The following ATRNL1 variants were observed in gnomAD, a reference collection of about 807,000 sequenced individuals.
The protein encoded by ATRNL1 is attractin like 1.
Under a neutral mutation model 182.7 loss-of-function variants are expected in ATRNL1, and 95 were observed. That is an observed-to-expected ratio of 0.52 (90% CI 0.44 to 0.62). The LOEUF is 0.62. ATRNL1 is among the 20% of genes least tolerant of loss of function. The probability of loss-of-function intolerance (pLI) is 0.00; values close to 1 mark genes in which losing one functional copy is unlikely to be tolerated. For synonymous variants in ATRNL1, 576 were observed against 568.3 expected, an observed-to-expected ratio of 1.01 and a Z score of -0.19; for missense variants, 1,471 against 1,679.5, an observed-to-expected ratio of 0.88 and a Z score of 2.17.
intron 24 of ATRNL1, among the ~76,000 whole-genome samples, chr10:115,477,494 G>T (rs1320349267): frequency 6.6e-6 from 1 of 151,506 alleles, no homozygotes; most frequent in Non-Finnish European, 1.5e-5. Context: ...TTAAGTGAAT[G>T]AGTCCAACTG....
At chr10:115,149,937 T>G (rs1224396075) in intron 5 of ATRNL1, among the ~76,000 whole-genome samples, 3 of 151,810 alleles carry the variant, frequency 2.0e-5, no homozygotes, top group African/African-American at 7.2e-5. Context: ...CTTTGAAAGT[T>G]TGGTGGACTT....
intron 26 of ATRNL1, among the ~76,000 whole-genome samples, chr10:115,691,094 C>T (rs1319977642): frequency 6.6e-6 from 1 of 152,116 alleles, no homozygotes; most frequent in African/African-American, 2.4e-5. Flanking sequence ...GTATGATTAT[C>T]TATTCATAAT....
At chr10:115,540,772 AG>A (rs35103558) in intron 25 of ATRNL1, among the ~76,000 whole-genome samples, 3,078 of 30,542 alleles carry the variant, frequency 0.1, 72 homozygotes, top group African/African-American at 0.2. Context: ...AAAAAAAAAA[AG>A]GGGGGAGGGA....
At chr10:115,323,168 A>G (rs1050810827) in intron 18 of ATRNL1, among the ~76,000 whole-genome samples, 83 of 151,962 alleles carry the variant, frequency 5.5e-4, no homozygotes, top group African/African-American at 1.9e-3. Flanking sequence ...AGCTCTGCTT[A>G]CTTTTCTCCA....
In ATRNL1 at chr10:115,609,937, G is replaced by A. The variant is rs149956318; in HGVS notation, c.3795+60401G>A. Among the ~76,000 whole-genome samples, 7 of 152,204 alleles carry A rather than the reference G, an allele frequency of 4.6e-5. No homozygotes were observed. The East Asian group carries it at 5.8e-4, about 13-fold the overall frequency. On this transcript the variant is annotated intron_variant, in intron 26 of 28. Coordinates refer to ENST00000355044, the MANE Select transcript of ATRNL1 (RefSeq NM_207303.4). ...TTTATGGATGCTGATTTTGTGAGACGTGTTGTTTGTGAGTCTAATCATGTG... is the reference window on the plus strand; with the variant it reads ...TTTATGGATGCTGATTTTGTGAGACATGTTGTTTGTGAGTCTAATCATGTG...
intron 19 of ATRNL1, among the ~76,000 whole-genome samples, chr10:115,368,514 A>G (rs597666): frequency 1 from 151,934 of 152,276 alleles, 75,797 homozygotes; most frequent in Middle Eastern, 1. Context: ...GCTGTAGACC[A>G]GAGCTGTTCC....
At chr10:115,242,183 C>G (rs1395011552) in intron 10 of ATRNL1, among the ~76,000 whole-genome samples, 1 of 151,676 alleles carries the variant, frequency 6.6e-6, no homozygotes, top group Non-Finnish European at 1.5e-5. Context: ...TCTGATAGAA[C>G]TAGAGAAAGG....
chr10:115,594,497 A>C (rs1592917313), intron 26 of ATRNL1, among the ~76,000 whole-genome samples: 1 of 151,948 alleles, frequency 6.6e-6, no homozygotes, highest in East Asian at 2.0e-4. Flanking sequence ...TTCTTCACTA[A>C]TACTTGTTTT....
intron 3 of ATRNL1, among the ~76,000 whole-genome samples, chr10:115,125,497 T>C (rs978630713): frequency 7.1e-6 from 1 of 141,284 alleles, no homozygotes; most frequent in Admixed American, 7.2e-5. Flanking sequence ...AGAAGTGTTA[T>C]TTTTTTTTTT....
intron 19 of ATRNL1, among the ~76,000 whole-genome samples, chr10:115,336,976 GC>G (rs2134081695): frequency 5.9e-5 from 1 of 17,032 alleles, no homozygotes; most frequent in African/African-American, 1.2e-4. Context: ...CTCCCAAGTA[GC>G]TGGGGGGGGG....
At chr10:115,427,906 T>C (rs1276979729) in intron 21 of ATRNL1, among the ~76,000 whole-genome samples, 1 of 152,042 alleles carries the variant, frequency 6.6e-6, no homozygotes, top group Non-Finnish European at 1.5e-5. Context: ...TACTCTTTTT[T>C]TTTTTGCATT....
At chr10:115,690,280 G>T (rs1946348122) in intron 26 of ATRNL1, among the ~76,000 whole-genome samples, 1 of 152,092 alleles carries the variant, frequency 6.6e-6, no homozygotes, top group African/African-American at 2.4e-5. Flanking sequence ...TTCTACAGAT[G>T]GGGGTGGGTA....
chr10:115,836,291 G>C (rs571217154), intron 27 of ATRNL1, among the ~76,000 whole-genome samples: 1 of 152,104 alleles, frequency 6.6e-6, no homozygotes, highest in African/African-American at 2.4e-5. Context: ...GCCAGTTACC[G>C]TATTATACTT....
chr10:115,792,076 A>T (rs782560189), intron 27 of ATRNL1, among the ~76,000 whole-genome samples: 1 of 152,138 alleles, frequency 6.6e-6, no homozygotes, highest in Non-Finnish European at 1.5e-5. Flanking sequence ...TTCAGCAAGC[A>T]TACTGCTTCA....
intron 21 of ATRNL1, among the ~76,000 whole-genome samples, chr10:115,428,363 C>T (rs973581684): frequency 1.1e-4 from 17 of 151,966 alleles, no homozygotes; most frequent in Non-Finnish European, 1.9e-4. Flanking sequence ...GATTTCTTTT[C>T]CTCTCTTGAT....
intron 20 of ATRNL1, among the ~76,000 whole-genome samples, chr10:115,416,252 G>A (rs936192705): frequency 5.9e-5 from 9 of 151,862 alleles, no homozygotes; most frequent in Non-Finnish European, 1.0e-4. Context: ...AAATCATATT[G>A]TTATGTTTTT....
chr10:115,358,978 A>G (rs552538458), intron 19 of ATRNL1, among the ~76,000 whole-genome samples: 3 of 151,616 alleles, frequency 2.0e-5, no homozygotes, highest in Non-Finnish European at 3.0e-5. Context: ...TTCATATCCA[A>G]CCACTCCTCC....
chr10:115,793,446 C>A (rs1555082204), intron 27 of ATRNL1, among the ~76,000 whole-genome samples: 1 of 152,010 alleles, frequency 6.6e-6, no homozygotes, highest in African/African-American at 2.4e-5. Flanking sequence ...AAAATATATT[C>A]ATATAATAGT....
At chr10:115,180,724 G>A (rs1847716726) in intron 8 of ATRNL1, among the ~76,000 whole-genome samples, 1 of 151,796 alleles carries the variant, frequency 6.6e-6, no homozygotes, top group South Asian at 2.1e-4. Flanking sequence ...TAGACCAAGG[G>A]TTTTATGTCT....
Sources: allele counts gnomAD v4.1 joint callset (sites outside exome capture counted in the v4.1 genomes callset), GRCh38; gene constraint gnomAD v4.1.1; transcripts MANE v1.5; gene names NCBI Gene and HGNC (gene_info 2026-07-23, HGNC 2026-07-21).